The following PARD3B variants were observed in gnomAD, a reference collection of about 807,000 sequenced individuals.
PARD3B encodes the protein partitioning defective 3 homolog B.
Under a neutral mutation model 130.2 loss-of-function variants are expected in PARD3B, and 103 were observed. The observed-to-expected ratio is 0.79, with a 90% CI of 0.67 to 0.93. The LOEUF (loss-of-function observed/expected upper bound fraction) is 0.93. Among genes scored for constraint, PARD3B ranks in the 40% least tolerant of loss-of-function variants. PARD3B has a pLI of 0.00. For synonymous variants in PARD3B, 583 were observed against 553.2 expected (o/e 1.05, Z -0.76); for missense variants, 1,609 against 1,499.2 (o/e 1.07, Z -1.21).
chr2:204,754,086 G>C (rs2040571798), intron 2 of PARD3B, among the ~76,000 whole-genome samples: 1 of 152,018 alleles, frequency 6.6e-6, no homozygotes, highest in African/African-American at 2.4e-5. Context: ...CTAGCATTGA[G>C]GATAGCCTCT....
In PARD3B at chr2:205,121,699, C is replaced by CA; in HGVS notation, c.916dup (p.Ile306AsnfsTer4). The CA allele has an allele frequency of 6.2e-7, 1 of 1,614,126 alleles. No individual in the cohort carries two copies. Among genetic ancestry groups the CA allele is most frequent in the Non-Finnish European group, 8.5e-7 (1 of 1,180,014 alleles). Reference sequence around the variant, plus strand: ...AAAAGTCAGTCATTGGCTCTCTTAACATTTTTGGTAATAATGATGGCGTTT... The same window carrying CA: ...AAAAGTCAGTCATTGGCTCTCTTAACAATTTTTGGTAATAATGATGGCGTTT... On this transcript the variant is annotated frameshift_variant, in exon 8 of 23. Transcript: ENST00000406610. LOFTEE classifies it high-confidence loss of function. The surrounding 1 kb of genome is among the most constrained non-coding windows in gnomAD (Gnocchi z 5.0).
intron 20 of PARD3B, among the ~76,000 whole-genome samples, chr2:205,447,284 C>T (rs574946603): frequency 7.0e-6 from 1 of 143,282 alleles, no homozygotes; most frequent in Non-Finnish European, 1.5e-5. Flanking sequence ...GTGGTAGGGA[C>T]CTATCCTGCT....
chr2:205,443,757 G>A (rs2047807975), intron 20 of PARD3B, among the ~76,000 whole-genome samples: 1 of 152,206 alleles, frequency 6.6e-6, no homozygotes, highest in Admixed American at 6.5e-5. Context: ...TAGGAAAAGT[G>A]GCTGCAAAGC....
At chr2:205,387,829 C>T (rs554989046) in intron 18 of PARD3B, among the ~76,000 whole-genome samples, 27 of 152,246 alleles carry the variant, frequency 1.8e-4, no homozygotes, top group Admixed American at 4.6e-4. Context: ...CCAGTCCAGC[C>T]GTCATCTGAG....
intron 19 of PARD3B, among the ~76,000 whole-genome samples, chr2:205,410,915 C>T (rs1204090356): frequency 6.6e-6 from 1 of 152,130 alleles, no homozygotes; most frequent in Non-Finnish European, 1.5e-5. Flanking sequence ...CCTCCACCCG[C>T]CCCATACCCT....
At chr2:204,706,893 G>A (rs1272532629) in intron 2 of PARD3B, among the ~76,000 whole-genome samples, 3 of 152,134 alleles carry the variant, frequency 2.0e-5, no homozygotes, top group Non-Finnish European at 4.4e-5. Flanking sequence ...ATGATAAATA[G>A]TTTCCAGTCA....
intron 2 of PARD3B, among the ~76,000 whole-genome samples, chr2:204,772,418 G>A (rs935429449): frequency 2.0e-5 from 3 of 152,032 alleles, no homozygotes; most frequent in Non-Finnish European, 4.4e-5. Flanking sequence ...AAGTACAACT[G>A]CAATTGATCC....
chr2:205,394,594 C>T (rs528130808), intron 18 of PARD3B, among the ~76,000 whole-genome samples: 2 of 152,122 alleles, frequency 1.3e-5, no homozygotes, highest in Admixed American at 1.3e-4. Flanking sequence ...CCCCAAATGT[C>T]CATCAGTGGA....
At chr2:204,901,687 C>T (rs1213607974) in intron 2 of PARD3B, among the ~76,000 whole-genome samples, 2 of 151,974 alleles carry the variant, frequency 1.3e-5, no homozygotes, top group East Asian at 3.9e-4. Flanking sequence ...GCCATCACAG[C>T]TGGGAATGTG....
intron 9 of PARD3B, 111 bp downstream of exon 9, chr2:205,124,577 A>G: frequency 1.3e-6 from 1 of 768,582 alleles, no homozygotes; most frequent in Non-Finnish European, 1.7e-6. Context: ...TTTGAACCTA[A>G]TATATATTAA....
intron 19 of PARD3B, among the ~76,000 whole-genome samples, chr2:205,439,451 A>C (rs1186553725): frequency 1.3e-5 from 2 of 152,204 alleles, no homozygotes; most frequent in Non-Finnish European, 2.9e-5. Flanking sequence ...ACCATTGTCC[A>C]GTAAGAGGCT....
chr2:204,579,802 G>T (rs1048528266), intron 1 of PARD3B, among the ~76,000 whole-genome samples: 3 of 152,184 alleles, frequency 2.0e-5, no homozygotes, highest in Non-Finnish European at 4.4e-5. Context: ...TCCTTGCTTG[G>T]CTACAATAGC....
intron 2 of PARD3B, among the ~76,000 whole-genome samples, chr2:204,771,506 C>A (rs1056028460): frequency 2.0e-5 from 3 of 151,986 alleles, no homozygotes; most frequent in Admixed American, 2.0e-4. Context: ...CAACAATAGA[C>A]ACTAAGGAGT....
intron 1 of PARD3B, among the ~76,000 whole-genome samples, chr2:204,679,841 A>C (rs2036737620): frequency 6.6e-6 from 1 of 152,002 alleles, no homozygotes; most frequent in African/African-American, 2.4e-5. Context: ...ATTTATGAAT[A>C]ACTTAGGTTG....
At position 204,907,457 on chromosome 2, in the gene PARD3B, GC is replaced by G. The variant is rs1319804851; in HGVS notation, c.223-57694del. Among the ~76,000 whole-genome samples, 3 of 152,134 alleles carry G rather than the reference GC, an allele frequency of 2.0e-5. No individual in the cohort carries two copies. The highest frequency in any genetic ancestry group is 6.5e-5 in the Admixed American group (1 of 15,272). ...ATTCCTCTGGAGGAAAATTCCCAAT[GC>G]AGCTAATTTCTCTGGAGCCCCCTGC... is the stretch of plus-strand genomic sequence containing the variant. On this transcript the variant is annotated intron_variant, in intron 2 of 22. Transcript: ENST00000406610. The surrounding 1 kb of genome is among the most constrained non-coding windows in gnomAD (Gnocchi z 5.7).
intron 20 of PARD3B, among the ~76,000 whole-genome samples, chr2:205,491,552 G>A (rs1490458898): frequency 6.6e-6 from 1 of 152,134 alleles, no homozygotes; most frequent in Non-Finnish European, 1.5e-5. Context: ...GATGCCTCCA[G>A]CTTTGTTCTT....
chr2:204,716,968 G>A (rs190438597), intron 2 of PARD3B, among the ~76,000 whole-genome samples: 5 of 152,276 alleles, frequency 3.3e-5, no homozygotes, highest in Admixed American at 2.0e-4. Flanking sequence ...TGGAAGAAGC[G>A]TGTATGGGTA....
chr2:204,918,616 C>A (rs1469347381), intron 2 of PARD3B, among the ~76,000 whole-genome samples: 5 of 138,346 alleles, frequency 3.6e-5, no homozygotes, highest in Non-Finnish European at 6.1e-5. Context: ...GGCGACAGAG[C>A]GAGACTCCGT....
Position 204,934,849 on chromosome 2 carries a change from T to C in PARD3B, c.223-30303T>C, listed in dbSNP as rs535827327. On this transcript the variant is annotated intron_variant, in intron 2 of 22. Transcript: ENST00000406610. Reference sequence around the variant, plus strand: ...GTGGAAGGGCAAGAGACTTGAAGGGTATATCCATCAAAGTTTTCCCATGAT... The same window carrying C: ...GTGGAAGGGCAAGAGACTTGAAGGGCATATCCATCAAAGTTTTCCCATGAT... 2.0e-5 allele frequency among the ~76,000 whole-genome samples: 3 copies of C among 152,274 alleles called. No individual in the cohort carries two copies. In the South Asian group the frequency reaches 6.2e-4, roughly 32 times the overall value.
Sources: gnomAD v4.1 joint callset for allele counts (sites outside exome capture counted in the v4.1 genomes callset) on GRCh38, gnomAD v4.1.1 for gene constraint, Gnocchi (gnomAD v3.1) non-coding constraint, MANE v1.5 for transcripts, NCBI Gene and HGNC (gene_info 2026-07-23, HGNC 2026-07-21) for gene names.